PHF14: variants seen among roughly 807,000 people sequenced by gnomAD.
PHF14 encodes PHD finger protein 14.
A neutral mutation model predicts 117.9 loss-of-function variants in PHF14; 55 were observed. That is an observed-to-expected ratio of 0.47 (90% CI 0.38 to 0.58). The LOEUF (loss-of-function observed/expected upper bound fraction) is 0.58. Ranked by LOEUF, PHF14 falls within the 20% of genes least tolerant of loss-of-function variation. The pLI is 0.00. For missense variants in PHF14, 978 were observed against 1,122.2 expected (o/e 0.87, Z 1.84); for synonymous variants, 409 against 368.6 (o/e 1.11, Z -1.26).
At chr7:11,107,203 A>G (rs963082146) in intron 16 of PHF14, 3 of 984,304 alleles carry the variant, frequency 3.0e-6, no homozygotes, top group African/African-American at 1.7e-5. Flanking sequence ...ACTTGTTTGC[A>G]TATTCTCAAT....
At chr7:11,043,690 A>G (rs1471552254) in intron 13 of PHF14, among the ~76,000 whole-genome samples, 3 of 152,100 alleles carry the variant, frequency 2.0e-5, no homozygotes, top group African/African-American at 7.2e-5. Context: ...TGTTCTTTGT[A>G]TCAGTTTGTT....
chr7:11,054,113 A>T (rs565845664), intron 14 of PHF14, among the ~76,000 whole-genome samples: 1 of 152,030 alleles, frequency 6.6e-6, no homozygotes, highest in South Asian at 2.1e-4. Context: ...ATTTTTTAAG[A>T]CACTTTTTTT....
At chr7:11,038,629 G>C in intron 10 of PHF14, 131 bp from the exon 11 acceptor site, 1 of 257,886 alleles carries the variant, frequency 3.9e-6, no homozygotes, top group Admixed American at 5.5e-5. Flanking sequence ...CCGCACTCCA[G>C]CCTGGTGACA....
intron 6 of PHF14, among the ~76,000 whole-genome samples, chr7:11,028,043 A>G (rs1783984569): frequency 6.6e-6 from 1 of 152,158 alleles, no homozygotes; most frequent in Non-Finnish European, 1.5e-5. Flanking sequence ...TGATGGGTTT[A>G]CATCCTGATA....
At chr7:11,055,921 G>A (rs956707153) in intron 14 of PHF14, among the ~76,000 whole-genome samples, 1 of 152,090 alleles carries the variant, frequency 6.6e-6, no homozygotes, top group Non-Finnish European at 1.5e-5. Context: ...TGTACATTAT[G>A]TTCATATTTA....
intron 17 of PHF14, among the ~76,000 whole-genome samples, chr7:11,126,356 A>G (rs750781111): frequency 1.1e-4 from 17 of 152,002 alleles, no homozygotes; most frequent in South Asian, 6.2e-4. Flanking sequence ...TATTTTTAGG[A>G]TACATTATTT....
intron 4 of PHF14, among the ~76,000 whole-genome samples, chr7:11,009,645 C>G (rs1783268014): frequency 6.6e-6 from 1 of 152,140 alleles, no homozygotes; most frequent in African/African-American, 2.4e-5. Flanking sequence ...AGTGCTAGAA[C>G]TTTGGTCTAG....
chr7:11,068,631 G>C (rs1279988356), intron 16 of PHF14, among the ~76,000 whole-genome samples: 1 of 152,152 alleles, frequency 6.6e-6, no homozygotes, highest in Non-Finnish European at 1.5e-5. Flanking sequence ...ACAACAGTGT[G>C]AATGTGAATG....
chr7:11,128,903 A>T (rs2128348153), intron 17 of PHF14, among the ~76,000 whole-genome samples: 1 of 151,966 alleles, frequency 6.6e-6, no homozygotes, highest in East Asian at 1.9e-4. Context: ...TTAGGCCTAG[A>T]TTCAATTTCT....
chr7:11,002,251 TAGA>T lies in PHF14; in HGVS notation c.1045+11409_1045+11411del, dbSNP rs768954494. 2.0e-4 allele frequency among the ~76,000 whole-genome samples: 31 copies of T among 152,074 alleles called. No homozygotes were observed. The Middle Eastern group carries it at 0.02, about 100-fold the overall frequency. ...GATCATCCTTTGAGAGACATTGGTT[TAGA>T]AGAAAGTAAAAATGGGGGGATAAAA... On this transcript the variant is annotated intron_variant, in intron 4 of 17. Coordinates refer to ENST00000634607, the MANE Select transcript of PHF14 (RefSeq NM_001007157.2).
chr7:10,979,465 A>G (rs147961098), intron 2 of PHF14, among the ~76,000 whole-genome samples: 1 of 151,980 alleles, frequency 6.6e-6, no homozygotes, highest in Non-Finnish European at 1.5e-5. Flanking sequence ...TTCAAACGTA[A>G]GAAAGGTTTA....
chr7:10,981,593 C>G (rs1231801816), intron 2 of PHF14, among the ~76,000 whole-genome samples: 10 of 152,158 alleles, frequency 6.6e-5, no homozygotes, highest in Non-Finnish European at 1.0e-4. Context: ...ACCTCTGTGA[C>G]TGCTCATTTT....
chr7:11,118,671 A>G (rs974559909), intron 17 of PHF14, among the ~76,000 whole-genome samples: 1 of 151,766 alleles, frequency 6.6e-6, no homozygotes, highest in Non-Finnish European at 1.5e-5. Flanking sequence ...TTTCTAGACA[A>G]TGTTTTTATC....
intron 3 of PHF14, among the ~76,000 whole-genome samples, chr7:10,986,853 G>C (rs1562562534): frequency 6.6e-6 from 1 of 152,232 alleles, no homozygotes; most frequent in East Asian, 1.9e-4. Context: ...TATATCAATA[G>C]AATTGGCATT....
chr7:11,008,771 C>G (rs568797105), intron 4 of PHF14, among the ~76,000 whole-genome samples: 96 of 152,194 alleles, frequency 6.3e-4, no homozygotes, highest in African/African-American at 2.1e-3. Flanking sequence ...CGCGGTGGCT[C>G]ACGCCTGTAA....
chr7:11,102,479 T>A, intron 16 of PHF14: 1 of 1,609,072 alleles, frequency 6.2e-7, no homozygotes, highest in Non-Finnish European at 8.5e-7. Context: ...ATCACTTTAC[T>A]GTGTAGATAC....
chr7:11,059,205 C>A (rs1785122722), intron 14 of PHF14, among the ~76,000 whole-genome samples: 2 of 152,056 alleles, frequency 1.3e-5, no homozygotes, highest in Admixed American at 6.6e-5. Context: ...TGGAGTCATA[C>A]CAGATATTTG....
At chr7:11,003,879 C>T (rs560575093) in intron 4 of PHF14, among the ~76,000 whole-genome samples, 1 of 152,244 alleles carries the variant, frequency 6.6e-6, no homozygotes, top group Non-Finnish European at 1.5e-5. Flanking sequence ...ACCTTGTGTA[C>T]CAGGGGTTTT....
At chr7:10,989,178 A>T (rs1583334141) in intron 3 of PHF14, among the ~76,000 whole-genome samples, 1 of 152,240 alleles carries the variant, frequency 6.6e-6, no homozygotes, top group East Asian at 1.9e-4. Context: ...TTCTTTTCTG[A>T]TTGTTTTACA....
Sources: allele counts gnomAD v4.1 joint callset (sites outside exome capture counted in the v4.1 genomes callset), GRCh38; gene constraint gnomAD v4.1.1; transcripts MANE v1.5; gene names NCBI Gene and HGNC (gene_info 2026-07-23, HGNC 2026-07-21).